ACYP2: variants seen among roughly 807,000 people sequenced by gnomAD.
The protein encoded by ACYP2 is acylphosphatase 2, also known as acylphosphatase-2.
Under a neutral mutation model 11.2 loss-of-function variants are expected in ACYP2, and 12 were observed. The ratio of observed to expected loss-of-function variants is 1.08; its 90% CI spans 0.69 to 1.74. ACYP2 has a LOEUF of 1.74. Among genes scored for constraint, ACYP2 ranks in the 40% most tolerant of loss-of-function variants. The pLI is 0.00. For synonymous variants in ACYP2, 43 were observed against 32.2 expected (o/e 1.33, Z -1.13); for missense variants, 134 against 101.9 (o/e 1.31, Z -1.35).
chr2:54,279,928 A>G (rs1184953365), intron 6 of ACYP2, among the ~76,000 whole-genome samples: 4 of 152,150 alleles, frequency 2.6e-5, no homozygotes, highest in Admixed American at 6.5e-5. Context: ...TGTTTGTTAA[A>G]TGCTTTGGAT....
intron 4 of ACYP2, among the ~76,000 whole-genome samples, chr2:54,134,337 G>T (rs532588921): frequency 1.1e-4 from 16 of 152,030 alleles, no homozygotes; most frequent in East Asian, 3.9e-4. Context: ...AATAAATAAA[G>T]AACTGAGGCT....
chr2:54,062,508 T>C (rs1450480634), intron 4 of ACYP2, among the ~76,000 whole-genome samples: 6 of 152,218 alleles, frequency 3.9e-5, no homozygotes, highest in Non-Finnish European at 7.3e-5. Context: ...ATATAGGATA[T>C]CATTAACATA....
intron 4 of ACYP2, among the ~76,000 whole-genome samples, chr2:54,088,210 C>A (rs1678039911): frequency 1.3e-5 from 2 of 152,130 alleles, no homozygotes; most frequent in South Asian, 4.1e-4. Context: ...AGTGTTAGGG[C>A]AAAGTAATGT....
At chr2:54,160,729 C>T (rs1682675090) in intron 6 of ACYP2, among the ~76,000 whole-genome samples, 1 of 152,198 alleles carries the variant, frequency 6.6e-6, no homozygotes. Flanking sequence ...AACTGAAAAG[C>T]TCTGCATATC....
At chr2:54,251,773 G>T (rs143864047) in intron 6 of ACYP2, among the ~76,000 whole-genome samples, 1 of 152,202 alleles carries the variant, frequency 6.6e-6, no homozygotes, top group African/African-American at 2.4e-5. Context: ...AGAGAGCAAA[G>T]AACAGGTTTA....
intron 6 of ACYP2, among the ~76,000 whole-genome samples, chr2:54,274,355 T>C (rs1157465761): frequency 6.6e-6 from 1 of 152,070 alleles, no homozygotes; most frequent in Non-Finnish European, 1.5e-5. Flanking sequence ...TGAGATTTGG[T>C]AGGGGACACA....
intron 6 of ACYP2, among the ~76,000 whole-genome samples, chr2:54,166,656 T>G (rs1682987411): frequency 6.6e-6 from 1 of 152,190 alleles, no homozygotes; most frequent in Non-Finnish European, 1.5e-5. Flanking sequence ...TTGGACCCAG[T>G]CAAGTGCTTG....
chr2:53,993,072 G>T (rs551278448), intron 2 of ACYP2, among the ~76,000 whole-genome samples: 3 of 152,186 alleles, frequency 2.0e-5, no homozygotes, highest in African/African-American at 7.2e-5. Flanking sequence ...CAGGTGTGGT[G>T]GCACATGCTT....
intron 2 of ACYP2, among the ~76,000 whole-genome samples, chr2:54,012,913 C>A (rs1673458775): frequency 6.6e-6 from 1 of 152,090 alleles, no homozygotes; most frequent in Non-Finnish European, 1.5e-5. Context: ...GACCTGTCTT[C>A]TTCTCTGATC....
intron 2 of ACYP2, among the ~76,000 whole-genome samples, chr2:54,030,373 G>A (rs1674519921): frequency 6.6e-6 from 1 of 152,192 alleles, no homozygotes; most frequent in Non-Finnish European, 1.5e-5. Flanking sequence ...CTCCAGGTTA[G>A]GGAGAAGCCC....
intron 2 of ACYP2, among the ~76,000 whole-genome samples, chr2:54,005,340 C>T (rs1304242281): frequency 7.5e-5 from 10 of 133,104 alleles, no homozygotes; most frequent in Admixed American, 3.0e-4. Flanking sequence ...TTATGAAAGT[C>T]TATTTTTTTT....
At chr2:54,130,629 A>G (rs1680846155) in intron 4 of ACYP2, among the ~76,000 whole-genome samples, 2 of 152,260 alleles carry the variant, frequency 1.3e-5, no homozygotes, top group African/African-American at 2.4e-5. Flanking sequence ...AACTTTAAGT[A>G]TATAAACATT....
intron 2 of ACYP2, among the ~76,000 whole-genome samples, chr2:54,019,070 TG>T (rs964328200): frequency 4.5e-4 from 68 of 150,850 alleles, no homozygotes; most frequent in Admixed American, 1.1e-3. Flanking sequence ...ATTATTATTA[TG>T]TTTTTTTTTT....
intron 6 of ACYP2, among the ~76,000 whole-genome samples, chr2:54,139,949 G>A (rs1402536265): frequency 6.6e-6 from 1 of 151,990 alleles, no homozygotes; most frequent in Admixed American, 6.6e-5. Flanking sequence ...TCCATAATTT[G>A]TATTTTTATT....
At chr2:54,095,666 C>G (rs1364695739) in intron 4 of ACYP2, among the ~76,000 whole-genome samples, 9 of 138,670 alleles carry the variant, frequency 6.5e-5, no homozygotes. Context: ...GGGGGCTGAC[C>G]CCCCCACCTC....
At chr2:54,252,635 G>A (rs1687278754) in intron 6 of ACYP2, among the ~76,000 whole-genome samples, 1 of 152,066 alleles carries the variant, frequency 6.6e-6, no homozygotes, top group African/African-American at 2.4e-5. Context: ...TTGGCATAAT[G>A]GAATTATACC....
chr2:54,237,714 T>C lies in ACYP2; in HGVS notation c.405-66974T>C, dbSNP rs537301797. 6.6e-5 allele frequency among the ~76,000 whole-genome samples: 10 copies of C among 152,366 alleles called. No homozygotes were observed. The East Asian group carries it at 1.9e-3, about 29-fold the overall frequency. ...TCTATAACTTTTATTTTTAGCATTTTTTACTATGTTGTGCTTTTCTTTTTC... is the reference window on the plus strand; with the variant it reads ...TCTATAACTTTTATTTTTAGCATTTCTTACTATGTTGTGCTTTTCTTTTTC... On this transcript the variant is annotated intron_variant, in intron 6 of 6. Transcript: ENST00000607452.
rs562024440 is a variant in ACYP2 at position 54,175,149 on chromosome 2, C to T, written c.404+36401C>T. 6.6e-5 allele frequency among the ~76,000 whole-genome samples: 10 copies of T among 152,196 alleles called. No homozygotes were observed. In the East Asian group the frequency reaches 1.5e-3, roughly 23 times the overall value. ...CTCTGGTAGAATTTGGCTGTGAATC[C>T]GTCTGGTCCTGGAGTTTTTTTTGGT... On this transcript the variant is annotated intron_variant, in intron 6 of 6. Coordinates refer to ENST00000607452, the MANE Select transcript of ACYP2 (RefSeq NM_001320586.2).
At chr2:54,253,001 T>A (rs1572996360) in intron 6 of ACYP2, among the ~76,000 whole-genome samples, 1 of 151,564 alleles carries the variant, frequency 6.6e-6, no homozygotes, top group African/African-American at 2.4e-5. Context: ...AATCATGAGG[T>A]CAGGAGTTCA....
Sources: allele counts gnomAD v4.1 joint callset (sites outside exome capture counted in the v4.1 genomes callset), GRCh38; gene constraint gnomAD v4.1.1; transcripts MANE v1.5; gene names NCBI Gene and HGNC (gene_info 2026-07-23, HGNC 2026-07-21).